Variants in PRKG1 observed in about 807,000 individuals in gnomAD.
PRKG1 encodes protein kinase cGMP-dependent 1.
In PRKG1, 35 loss-of-function variants were observed where a neutral mutation model predicts 88.1. The observed-to-expected ratio is 0.40, with a 90% CI of 0.30 to 0.53. The LOEUF is 0.53. PRKG1 is among the 20% of genes least tolerant of loss of function. The pLI is 0.59. For synonymous variants in PRKG1, 303 were observed against 292.5 expected (o/e 1.04, Z -0.37); for missense variants, 540 against 839.8 (o/e 0.64, Z 4.41).
intron 9 of PRKG1, among the ~76,000 whole-genome samples, chr10:52,177,501 G>T (rs1436964149): frequency 1.3e-5 from 2 of 152,062 alleles, no homozygotes; most frequent in Admixed American, 6.6e-5. Flanking sequence ...TGACATCAGG[G>T]TTATGCTTAC....
chr10:51,916,759 G>T (rs751068824), intron 5 of PRKG1, among the ~76,000 whole-genome samples: 1 of 152,282 alleles, frequency 6.6e-6, no homozygotes, highest in South Asian at 2.1e-4. Flanking sequence ...TTCAAAAAGT[G>T]CAAACAACCC....
chr10:51,061,073 G>GTGTGTGTGTGTGTGTGTT (rs1843687269), intron 1 of PRKG1, among the ~76,000 whole-genome samples: 1 of 151,970 alleles, frequency 6.6e-6, no homozygotes, highest in Admixed American at 6.6e-5. Flanking sequence ...GTGTGTGTGT[G>GTGTGTGTGTGTGTGTGTT]TGTGTGTGTG....
chr10:51,062,779 C>G (rs7073617), intron 1 of PRKG1: 114,638 of 151,842 alleles, frequency 0.75, 44,329 homozygotes, highest in Non-Finnish European at 0.84. Context: ...TGCGCCACCA[C>G]GTCCAGCTGA....
chr10:52,166,798 C>CGTATATATATGTATATATATGT (rs1564498372), intron 9 of PRKG1, among the ~76,000 whole-genome samples: 2 of 96,772 alleles, frequency 2.1e-5, no homozygotes, highest in African/African-American at 1.1e-4. Context: ...TATATATATA[C>CGTATATATATGTATATATATGT]ATATATATAT....
At chr10:51,656,431 C>T (rs1006936757) in intron 3 of PRKG1, among the ~76,000 whole-genome samples, 7 of 152,060 alleles carry the variant, frequency 4.6e-5, no homozygotes, top group African/African-American at 1.7e-4. Flanking sequence ...ATTGAGAGCC[C>T]ATCATGTATA....
At chr10:51,837,660 C>T (rs115722666) in intron 4 of PRKG1, among the ~76,000 whole-genome samples, 137 of 152,200 alleles carry the variant, frequency 9.0e-4, no homozygotes, top group Middle Eastern at 6.8e-3. Flanking sequence ...GATCTCATAA[C>T]CTACATGCAT....
chr10:51,430,604 A>G (rs962856520), intron 2 of PRKG1, among the ~76,000 whole-genome samples: 5 of 152,184 alleles, frequency 3.3e-5, no homozygotes, highest in Non-Finnish European at 2.9e-5. Context: ...CCACTCCTAA[A>G]TATCTACATG....
chr10:51,843,093 C>CTTTTTTTTTTTTTTTT (rs1167219822), intron 4 of PRKG1, among the ~76,000 whole-genome samples: 9 of 87,912 alleles, frequency 1.0e-4, no homozygotes, highest in Non-Finnish European at 1.4e-4. Flanking sequence ...GAAAATTATT[C>CTTTTTTTTTTTTTTTT]TTTTTTTTTT....
chr10:51,178,768 G>T (rs897931995), intron 2 of PRKG1, among the ~76,000 whole-genome samples: 1 of 152,072 alleles, frequency 6.6e-6, no homozygotes, highest in Non-Finnish European at 1.5e-5. Context: ...ATACAAATTT[G>T]CTAGAATAAG....
Position 51,186,992 on chromosome 10 carries a change from A to G in PRKG1, c.478+33662A>G, listed in dbSNP as rs529308715. Among the ~76,000 whole-genome samples the G allele has an allele frequency of 2.2e-4, 32 of 145,672 alleles. No individual in the cohort carries two copies. In the South Asian group the frequency reaches 6.6e-3, roughly 30 times the overall value. On this transcript the variant is annotated intron_variant, in intron 2 of 17. Coordinates refer to ENST00000373980, the MANE Select transcript of PRKG1 (RefSeq NM_006258.4). ...TATATATATATATATATGTATATAT[A>G]TATTCTCTTTATTCCTTTTGCTTCC...
intron 7 of PRKG1, among the ~76,000 whole-genome samples, chr10:52,109,105 T>C (rs774041418): frequency 1.7e-4 from 26 of 152,034 alleles, no homozygotes; most frequent in Non-Finnish European, 2.2e-4. Flanking sequence ...GGATTACAGG[T>C]GTGAGCCACT....
At chr10:51,556,452 T>C (rs1173998713) in intron 3 of PRKG1, among the ~76,000 whole-genome samples, 2 of 151,956 alleles carry the variant, frequency 1.3e-5, no homozygotes, top group African/African-American at 4.8e-5. Flanking sequence ...TCCTAGGCAC[T>C]AGTCACGATA....
chr10:51,697,948 T>A lies in PRKG1; in HGVS notation c.593-106637T>A, dbSNP rs745971043. The A allele has an allele frequency of 1.9e-6, 3 of 1,598,630 alleles. No homozygotes were observed. In the African/African-American group the frequency reaches 4.0e-5, roughly 21 times the overall value. The stretch of plus-strand genomic sequence containing the variant: ...TACCTCCTCCTTGTATACTGACTCC[T>A]TGTATGCCTGCCCCCTGCATCCCTC... On this transcript the variant is annotated intron_variant, in intron 3 of 17. Coordinates refer to ENST00000373980, the MANE Select transcript of PRKG1 (RefSeq NM_006258.4).
At chr10:52,242,220 A>G (rs1393581341) in intron 9 of PRKG1, 2 of 152,180 alleles carry the variant, frequency 1.3e-5, no homozygotes, top group African/African-American at 4.8e-5. Context: ...CATAATAGTC[A>G]CCAACTCTGG....
At chr10:51,006,206 T>G (rs1044510961) in intron 1 of PRKG1, among the ~76,000 whole-genome samples, 1 of 152,190 alleles carries the variant, frequency 6.6e-6, no homozygotes, top group Non-Finnish European at 1.5e-5. Flanking sequence ...GGCAGTTGGA[T>G]CTATCAGTCA....
intron 7 of PRKG1, among the ~76,000 whole-genome samples, chr10:52,085,241 T>C (rs1846881868): frequency 6.6e-6 from 1 of 152,058 alleles, no homozygotes; most frequent in Non-Finnish European, 1.5e-5. Context: ...CTGCTCTGCA[T>C]CAAATTATTC....
chr10:52,228,630 G>A (rs1333544482), intron 9 of PRKG1, among the ~76,000 whole-genome samples: 1 of 152,208 alleles, frequency 6.6e-6, no homozygotes, highest in Non-Finnish European at 1.5e-5. Flanking sequence ...ATATGGCACA[G>A]TGCCAGGCAC....
intron 9 of PRKG1, among the ~76,000 whole-genome samples, chr10:52,248,211 A>C (rs1457392994): frequency 6.6e-6 from 1 of 152,214 alleles, no homozygotes; most frequent in Non-Finnish European, 1.5e-5. Flanking sequence ...CATTAGGGCC[A>C]TTATGAACAT....
rs150102424 is a variant in PRKG1 at position 51,738,396 on chromosome 10, T to C, written c.593-66189T>C. On this transcript the variant is annotated intron_variant, in intron 3 of 17. Coordinates refer to ENST00000373980, the MANE Select transcript of PRKG1 (RefSeq NM_006258.4). ...ATCACCTGAGTTCAAATTCTATTTG[T>C]ATGGCATGGTGCAAGTTATGTAATT... 4.6e-5 allele frequency among the ~76,000 whole-genome samples: 7 copies of C among 152,274 alleles called. No homozygotes were observed. In the East Asian group the frequency reaches 1.3e-3, roughly 29 times the overall value.
Sources: allele counts gnomAD v4.1 joint callset (sites outside exome capture counted in the v4.1 genomes callset), GRCh38; gene constraint gnomAD v4.1.1; transcripts MANE v1.5; gene names NCBI Gene and HGNC (gene_info 2026-07-23, HGNC 2026-07-21).